SNX29: variants seen among roughly 807,000 people sequenced by gnomAD.
The protein encoded by SNX29 is sorting nexin-29.
SNX29 carries 78 observed loss-of-function variants against 102.1 expected under a neutral mutation model. The observed-to-expected ratio is 0.76, with a 90% CI of 0.64 to 0.92. The LOEUF (loss-of-function observed/expected upper bound fraction) is 0.92. Among genes scored for constraint, SNX29 ranks in the 40% least tolerant of loss-of-function variants. The pLI is 0.00. For missense variants in SNX29, 1,280 were observed against 1,061.7 expected (o/e 1.21, Z -2.86); for synonymous variants, 580 against 414.5 (o/e 1.40, Z -4.85).
chr16:12,484,259 C>T (rs369781552), intron 19 of SNX29, among the ~76,000 whole-genome samples: 124 of 152,314 alleles, frequency 8.1e-4, no homozygotes, highest in African/African-American at 2.9e-3. Flanking sequence ...AGCCATCCTT[C>T]CACCTCAGCC....
intron 3 of SNX29, among the ~76,000 whole-genome samples, chr16:12,024,988 C>A (rs1367867146): frequency 1.3e-5 from 2 of 152,034 alleles, no homozygotes; most frequent in African/African-American, 2.4e-5. Flanking sequence ...GACGTCCCAG[C>A]TTTCAGGAAG....
intron 18 of SNX29, among the ~76,000 whole-genome samples, chr16:12,425,245 G>T (rs1406252538): frequency 6.6e-6 from 1 of 152,216 alleles, no homozygotes; most frequent in Non-Finnish European, 1.5e-5. Flanking sequence ...GGGGTCAGGA[G>T]AGAGCAGAAA....
chr16:12,278,885 C>A (rs550311172), intron 15 of SNX29, among the ~76,000 whole-genome samples: 1 of 152,172 alleles, frequency 6.6e-6, no homozygotes, highest in African/African-American at 2.4e-5. Context: ...TCATTAGTAG[C>A]CTCAAAGAGG....
intron 20 of SNX29, among the ~76,000 whole-genome samples, chr16:12,565,857 C>T (rs1009378952): frequency 2.0e-5 from 3 of 152,226 alleles, no homozygotes; most frequent in East Asian, 1.9e-4. Context: ...CCGGGAAGCC[C>T]TCTGTGCCCT....
intron 18 of SNX29, among the ~76,000 whole-genome samples, chr16:12,453,410 C>T (rs2086394386): frequency 6.6e-6 from 1 of 152,192 alleles, no homozygotes; most frequent in Non-Finnish European, 1.5e-5. Flanking sequence ...CTGGGCACAT[C>T]ATATAACCCC....
intron 20 of SNX29, among the ~76,000 whole-genome samples, chr16:12,543,875 C>G (rs886266020): frequency 4.6e-5 from 7 of 152,218 alleles, no homozygotes; most frequent in Non-Finnish European, 8.8e-5. Flanking sequence ...TCTTACCACA[C>G]TACAAGAGCT....
At chr16:12,477,570 C>G (rs2087713302) in intron 18 of SNX29, 149 bp from the exon 19 acceptor site, 1 of 880,436 alleles carries the variant, frequency 1.1e-6, no homozygotes, top group Non-Finnish European at 1.7e-6. Context: ...TAATAAATCC[C>G]TGCTCTATGC....
chr16:12,559,330 G>A (rs922435776), intron 20 of SNX29, among the ~76,000 whole-genome samples: 2 of 151,724 alleles, frequency 1.3e-5, no homozygotes, highest in African/African-American at 2.4e-5. Context: ...CCCATGTGAG[G>A]GATCTAGGCT....
At chr16:12,111,563 C>T (rs903608740) in intron 11 of SNX29, among the ~76,000 whole-genome samples, 1 of 152,180 alleles carries the variant, frequency 6.6e-6, no homozygotes, top group Non-Finnish European at 1.5e-5. Context: ...CCCCTTCCCA[C>T]TGCAAGGAAA....
chr16:12,027,599 A>G, intron 4 of SNX29, 155 bp downstream of exon 4: 1 of 816,784 alleles, frequency 1.2e-6, no homozygotes, highest in East Asian at 3.0e-5. Context: ...AGTAGTCAAA[A>G]CGTAATGGTG....
chr16:12,283,469 A>C (rs911054983), intron 15 of SNX29, among the ~76,000 whole-genome samples: 8 of 152,074 alleles, frequency 5.3e-5, no homozygotes, highest in African/African-American at 1.9e-4. Context: ...ACAGGCACGC[A>C]TCACCATGCC....
intron 11 of SNX29, among the ~76,000 whole-genome samples, chr16:12,084,985 C>G (rs1374412626): frequency 6.6e-6 from 1 of 151,956 alleles, no homozygotes; most frequent in African/African-American, 2.4e-5. Context: ...CAGGAGGATT[C>G]TTTGAGCCCA....
Position 12,548,207 on chromosome 16 carries a change from G to T in SNX29, c.2319-20299G>T, listed in dbSNP as rs577153712. ...CTCATCCCACAGCGCCTCCCACAAG[G>T]CCACGCTGGATCCTGCCACAGTGTT... On this transcript the variant is annotated intron_variant, in intron 20 of 20. Coordinates refer to ENST00000566228, the MANE Select transcript of SNX29 (RefSeq NM_032167.5). Among the ~76,000 whole-genome samples the T allele has an allele frequency of 3.3e-5, 5 of 152,284 alleles. No homozygotes were observed. The South Asian group carries it at 6.2e-4, about 19-fold the overall frequency.
intron 20 of SNX29, among the ~76,000 whole-genome samples, chr16:12,548,179 T>C (rs565209520): frequency 1.3e-5 from 2 of 152,366 alleles, no homozygotes; most frequent in African/African-American, 4.8e-5. Context: ...ATTTGCTCTC[T>C]TGCTCATCCC....
chr16:12,058,661 G>A (rs1262497705), intron 8 of SNX29, among the ~76,000 whole-genome samples: 3 of 150,618 alleles, frequency 2.0e-5, no homozygotes, highest in Non-Finnish European at 3.0e-5. Flanking sequence ...GCCCTGCTAA[G>A]TTTTGTATTT....
intron 13 of SNX29, among the ~76,000 whole-genome samples, chr16:12,187,759 C>T (rs1366528921): frequency 2.6e-5 from 4 of 151,872 alleles, no homozygotes; most frequent in Non-Finnish European, 5.9e-5. Context: ...TGTTGGCATT[C>T]ACTCCTCCAA....
At chr16:12,346,165 G>A (rs1204280909) in intron 15 of SNX29, among the ~76,000 whole-genome samples, 1 of 152,108 alleles carries the variant, frequency 6.6e-6, no homozygotes, top group Non-Finnish European at 1.5e-5. Context: ...GCAGGGAGGC[G>A]GTGGTGTTTG....
chr16:12,542,340 T>TGG (rs1418493126), intron 20 of SNX29, among the ~76,000 whole-genome samples: 3 of 152,198 alleles, frequency 2.0e-5, no homozygotes, highest in Non-Finnish European at 2.9e-5. Flanking sequence ...AGCAAGAGAT[T>TGG]GTCTCAAAAG....
chr16:12,216,048 C>T (rs958487647), intron 14 of SNX29, among the ~76,000 whole-genome samples: 1 of 152,100 alleles, frequency 6.6e-6, no homozygotes. Flanking sequence ...AAGCAGCCTG[C>T]GGAGCTCATC....
Sources: allele counts gnomAD v4.1 joint callset (sites outside exome capture counted in the v4.1 genomes callset), GRCh38; gene constraint gnomAD v4.1.1; transcripts MANE v1.5; gene names NCBI Gene and HGNC (gene_info 2026-07-23, HGNC 2026-07-21).